Variants in CFAP54 observed in about 807,000 individuals in gnomAD.
CFAP54 encodes the protein cilia and flagella associated protein 54, also known as cilia- and flagella-associated protein 54.
A neutral mutation model predicts 370.4 loss-of-function variants in CFAP54; 290 were observed. The ratio of observed to expected loss-of-function variants is 0.78; its 90% CI spans 0.71 to 0.86. The LOEUF is 0.86. Ranked by LOEUF, CFAP54 falls within the 40% of genes least tolerant of loss-of-function variation. The pLI is 0.00. For synonymous variants in CFAP54, 1,206 were observed against 1,236.5 expected (o/e 0.98, Z 0.52); for missense variants, 3,399 against 3,528.7 (o/e 0.96, Z 0.93).
At chr12:96,612,670 G>C (rs139827127) in intron 26 of CFAP54, among the ~76,000 whole-genome samples, 147 of 152,242 alleles carry the variant, frequency 9.7e-4, no homozygotes, top group East Asian at 4.1e-3. Flanking sequence ...CCACACATAG[G>C]CTCAAAATGA....
Position 96,720,410 on chromosome 12 carries a change from G to A in CFAP54, c.6810G>A (p.Met2270Ile). ...GTATGGTATCCTTTCCTTAGTCGAT[G>A]TTACTGATGGAAGCTGAGGACAGGC... ...DEITLSMLKS[M>I]LLMEAEDRLN... The change falls in exon 50 of 68, where the codon ATG (methionine) becomes ATA (isoleucine). Residue 2270 changes from methionine (M) to isoleucine (I), a missense_variant. By Grantham distance (10) the Met-to-Ile change is conservative. Transcript: ENST00000524981. 1.3e-6 allele frequency: 2 copies of A among 1,502,642 alleles called. No homozygotes were observed. Among genetic ancestry groups the A allele is most frequent in the South Asian group, 2.7e-5 (2 of 75,330 alleles). The allele number at this position is 1,502,642 out of a possible 1,614,324, so 93.1% of individuals were successfully genotyped here. A position where few individuals can be genotyped will look rare whatever the true frequency, so the allele number is the denominator to read the frequency against.
At chr12:96,828,281 C>T (rs2136757216) in intron 65 of CFAP54, among the ~76,000 whole-genome samples, 1 of 151,302 alleles carries the variant, frequency 6.6e-6, no homozygotes, top group African/African-American at 2.4e-5. Flanking sequence ...TGAGTATGGT[C>T]ATGCATAGAC....
rs1389101392 is a variant in CFAP54 at position 96,527,298 on chromosome 12, G to A, written c.1211G>A (p.Ser404Asn). 3.3e-6 allele frequency: 5 copies of A among 1,535,230 alleles called. No individual in the cohort carries two copies. The highest frequency in any genetic ancestry group is 2.4e-5 in the South Asian group (2 of 83,922). The stretch of plus-strand genomic sequence containing the variant: ...CGGCTACTGGATGAGATGTTTGATA[G>A]CACTGCATCCCAGTTTCTGGCTGTC... ...TERLLDEMFD[S>N]TASQFLAVLE... Residue 404 changes from serine (S) to asparagine (N), a missense_variant, in exon 9 of 68, where the codon AGC becomes AAC. By Grantham distance (46) the Ser-to-Asn change is conservative. Around this residue, in one of 3 missense-constraint regions of CFAP54, gnomAD observed 559 missense variants for 576.7 expected, o/e 0.97. Coordinates refer to ENST00000524981, the MANE Select transcript of CFAP54 (RefSeq NM_001306084.2).
chr12:96,701,773 G>GGAGGAGGAGGAGGAGGAGGAGGGACC lies in CFAP54; in HGVS notation c.6474+1699_6474+1700insAGGGACCGAGGAGGAGGAGGAGGAGG, dbSNP rs1221397049. 1.5e-3 allele frequency among the ~76,000 whole-genome samples: 234 copies of GGAGGAGGAGGAGGAGGAGGAGGGACC among 151,064 alleles called. 3 individuals are homozygous for GGAGGAGGAGGAGGAGGAGGAGGGACC. Among genetic ancestry groups the GGAGGAGGAGGAGGAGGAGGAGGGACC allele is most frequent in the African/African-American group, 5.4e-3 (225 of 41,370 alleles). On this transcript the variant is annotated intron_variant, in intron 46 of 67. Transcript: ENST00000524981. ...AGTAGGCAAAGTGAGGCTGCAATGA[G>GGAGGAGGAGGAGGAGGAGGAGGGACC]GAGGAGGAGGAGGAGGAGGGACCTA...
chr12:96,538,382 AG>A lies in CFAP54; in HGVS notation c.1792del. 1 of 1,532,680 alleles carries A rather than the reference AG, an allele frequency of 6.5e-7. No homozygotes were observed. The highest frequency in any genetic ancestry group is 8.7e-7 in the Non-Finnish European group (1 of 1,144,946). The allele number at this position is 1,532,680 out of a possible 1,614,324, so 94.9% of individuals were successfully genotyped here. ...CATTTACCTTCTCACTTTTGTTTTTAGGATGTTCAACCTGATAAAGAAATTG... is the reference window on the plus strand; with the variant it reads ...CATTTACCTTCTCACTTTTGTTTTTAGATGTTCAACCTGATAAAGAAATTG... On this transcript the variant is annotated splice_acceptor_variant, in intron 12 of 67. Coordinates refer to ENST00000524981, the MANE Select transcript of CFAP54 (RefSeq NM_001306084.2). LOFTEE classifies it high-confidence loss of function.
chr12:96,743,822 C>T lies in CFAP54; in HGVS notation c.7469C>T (p.Thr2490Ile). ...AGCCTAGTTTTGCTGGATGACTTAA[C>T]CAAAGCTGAGAAATTCAAGGAATCT... ...ARSLVLLDDL[T>I]KAEKFKESPS... The change falls in exon 54 of 68, where the codon ACC (threonine) becomes ATC (isoleucine). Residue 2490 changes from threonine to isoleucine, a missense_variant. Transcript: ENST00000524981. 1.2e-6 allele frequency: 2 copies of T among 1,613,902 alleles called. No homozygotes were observed. The highest frequency in any genetic ancestry group is 1.7e-6 in the Non-Finnish European group (2 of 1,179,888).
chr12:96,647,909 T>C lies in CFAP54; in HGVS notation c.4582T>C (p.Tyr1528His). 6.6e-7 allele frequency: 1 copy of C among 1,513,794 alleles called. No homozygotes were observed. The highest frequency in any genetic ancestry group is 8.8e-7 in the Non-Finnish European group (1 of 1,139,532). 93.8% of individuals were successfully genotyped at this position (1,513,794 alleles called of 1,614,324 possible). ...ATGTGATCCTAACATGTTTTCACTG[T>C]ATAATTCAGGAACAGTATTACCAAC... ...RSCDPNMFSL[Y>H]NSGTVLPTRK... Residue 1528 changes from tyrosine to histidine, a missense_variant, in exon 34 of 68, where the codon TAT becomes CAT. Physicochemically the swap from Tyr to His is moderately conservative, Grantham distance 83 (BLOSUM62 2). Around this residue, in one of 3 missense-constraint regions of CFAP54, gnomAD observed 2,796 missense variants for 2,869.7 expected, o/e 0.97. Coordinates refer to ENST00000524981, the MANE Select transcript of CFAP54 (RefSeq NM_001306084.2).
chr12:96,812,194 A>G (rs1958934844), intron 64 of CFAP54, among the ~76,000 whole-genome samples: 1 of 152,224 alleles, frequency 6.6e-6, no homozygotes, highest in African/African-American at 2.4e-5. Flanking sequence ...TACAGAGAGC[A>G]CAAGGATGTT....
rs541566240 is a variant in CFAP54, at chr12:96,786,657, G to T, written c.8456-18G>T. 1.8e-5 allele frequency: 27 copies of T among 1,485,004 alleles called. 1 individual carries two copies. The highest frequency in any genetic ancestry group is 1.8e-4 in the African/African-American group (13 of 71,680). 92.0% of individuals were successfully genotyped at this position (1,485,004 alleles called of 1,614,324 possible). A position where few individuals can be genotyped will look rare whatever the true frequency, so the allele number is the denominator to read the frequency against. On this transcript the variant is annotated intron_variant, in intron 61 of 67. Transcript: ENST00000524981. ...TTTTCTAATATGAACCTAAACTAAG[G>T]TATTTTTCTTTCTTAAGCATCTGCA...
intron 50 of CFAP54, among the ~76,000 whole-genome samples, chr12:96,734,637 G>T (rs1565958895): frequency 6.6e-6 from 1 of 152,126 alleles, no homozygotes; most frequent in Non-Finnish European, 1.5e-5. Flanking sequence ...TATGGGAAAA[G>T]TGGAATTTGA....
intron 15 of CFAP54, among the ~76,000 whole-genome samples, chr12:96,552,202 C>T (rs1434322811): frequency 6.9e-6 from 1 of 144,202 alleles, no homozygotes; most frequent in Non-Finnish European, 1.5e-5. Context: ...GCTGAGATCA[C>T]GCCATTGCGC....
chr12:96,512,299 TTTTATATATATATATATATATATATA>T (rs1227848883), intron 4 of CFAP54, among the ~76,000 whole-genome samples: 30 of 119,574 alleles, frequency 2.5e-4, no homozygotes, highest in South Asian at 1.0e-3. Context: ...TGGGAACCAA[TTTTATATATATATATATATATATATA>T]TATATATATA....
At chr12:96,573,769 G>A (rs2136419197) in intron 19 of CFAP54, among the ~76,000 whole-genome samples, 1 of 152,304 alleles carries the variant, frequency 6.6e-6, no homozygotes, top group Non-Finnish European at 1.5e-5. Flanking sequence ...TACCTCATAT[G>A]TGTATATAAA....
chr12:96,644,736 C>T (rs1011115591), intron 33 of CFAP54, among the ~76,000 whole-genome samples: 1 of 152,088 alleles, frequency 6.6e-6, no homozygotes, highest in African/African-American at 2.4e-5. Context: ...GCTCATAAAA[C>T]GATCAGATCT....
At chr12:96,535,370 A>G (rs1955491053) in intron 11 of CFAP54, 145 bp from the exon 12 acceptor site, 1 of 611,016 alleles carries the variant, frequency 1.6e-6, no homozygotes, top group Non-Finnish European at 2.9e-6. Flanking sequence ...TTCATATAGA[A>G]GTATTTAACT....
chr12:96,718,667 G>A (rs909504963), intron 49 of CFAP54, 145 bp downstream of exon 49: 3 of 565,546 alleles, frequency 5.3e-6, no homozygotes, highest in African/African-American at 3.9e-5. Flanking sequence ...AGCCAGAGGT[G>A]GAGTTTACTC....
chr12:96,589,304 C>G, intron 22 of CFAP54, 123 bp from the exon 23 acceptor site: 1 of 781,548 alleles, frequency 1.3e-6, no homozygotes, highest in Non-Finnish European at 2.0e-6. Context: ...ATGATTGTAT[C>G]TGAAATGAGC....
At chr12:96,791,488 A>G (rs1461339683) in intron 62 of CFAP54, among the ~76,000 whole-genome samples, 2 of 152,212 alleles carry the variant, frequency 1.3e-5, no homozygotes, top group Non-Finnish European at 2.9e-5. Flanking sequence ...AGCTGGGCCC[A>G]CATTCATCAA....
At chr12:96,634,546 G>A (rs1093241) in intron 32 of CFAP54, among the ~76,000 whole-genome samples, 22,274 of 152,086 alleles carry the variant, frequency 0.15, 2,120 homozygotes, top group East Asian at 0.44. Context: ...TATGTGGCTT[G>A]TCTTCTCATC....
Sources: allele counts gnomAD v4.1 joint callset (sites outside exome capture counted in the v4.1 genomes callset), GRCh38; gene constraint gnomAD v4.1.1; regional missense constraint gnomAD v4.1.1; transcripts MANE v1.5; gene names NCBI Gene and HGNC (gene_info 2026-07-23, HGNC 2026-07-21).